Variants in DMXL1 observed in about 807,000 individuals in gnomAD.
The protein encoded by DMXL1 is dmX-like protein 1.
A neutral mutation model predicts 319.2 loss-of-function variants in DMXL1; 99 were observed. The observed-to-expected ratio is 0.31, with a 90% CI of 0.26 to 0.37. DMXL1 has a LOEUF of 0.37. Among genes scored for constraint, DMXL1 ranks in the 10% least tolerant of loss-of-function variants. The pLI is 1.00. For synonymous variants in DMXL1, 1,385 were observed against 1,235.2 expected, an observed-to-expected ratio of 1.12 and a Z score of -2.54; for missense variants, 3,745 against 3,595.6, an observed-to-expected ratio of 1.04 and a Z score of -1.06.
At chr5:119,179,590 TA>T (rs1481508270) in intron 28 of DMXL1, among the ~76,000 whole-genome samples, 12 of 152,302 alleles carry the variant, frequency 7.9e-5, no homozygotes, top group African/African-American at 2.4e-4. Context: ...GAAGCTATAT[TA>T]AAAAGAATTT....
intron 34 of DMXL1, among the ~76,000 whole-genome samples, chr5:119,208,621 C>G (rs1385044464): frequency 6.6e-6 from 1 of 152,028 alleles, no homozygotes; most frequent in Non-Finnish European, 1.5e-5. Context: ...CGTCAAAATA[C>G]AGTCTTTTTG....
intron 1 of DMXL1, among the ~76,000 whole-genome samples, chr5:119,097,256 G>T (rs771519006): frequency 3.1e-4 from 47 of 152,350 alleles, no homozygotes; most frequent in Non-Finnish European, 5.3e-4. Flanking sequence ...GTGGAAAACT[G>T]TTGAGGGGTT....
chr5:119,170,332 A>C lies in DMXL1; in HGVS notation c.5541A>C (p.Ala1847=). The change falls in exon 24 of 44, where the codon GCA becomes GCC. Residue 1847 remains alanine (A), a synonymous_variant. Transcript: ENST00000539542. ...GCCTAACAGGAAAAAGTGGACTGGC[A>C]GGAACAATTAATTTAAGTGAAAGAC... is the stretch of plus-strand genomic sequence containing the variant. ...HMSLTGKSGL[A]GTINLSERRL... is the part of the protein sequence containing the mutation. 12 of 1,614,028 alleles carry C rather than the reference A, an allele frequency of 7.4e-6. No homozygotes were observed. The highest frequency in any genetic ancestry group is 1.0e-5 in the Non-Finnish European group (12 of 1,179,968).
At chr5:119,118,523 A>G (rs1761337421) in intron 7 of DMXL1, among the ~76,000 whole-genome samples, 1 of 152,174 alleles carries the variant, frequency 6.6e-6, no homozygotes, top group Non-Finnish European at 1.5e-5. Context: ...TACTTGAGCC[A>G]GAGGATTGCT....
intron 30 of DMXL1, among the ~76,000 whole-genome samples, chr5:119,194,450 A>G (rs1033550202): frequency 4.6e-5 from 7 of 152,242 alleles, no homozygotes; most frequent in African/African-American, 7.2e-5. Flanking sequence ...TCTAGCTCCA[A>G]TACTGCGTTA....
chr5:119,201,848 G>T (rs547263654), intron 32 of DMXL1, among the ~76,000 whole-genome samples: 1 of 152,204 alleles, frequency 6.6e-6, no homozygotes, highest in African/African-American at 2.4e-5. Context: ...TTTGTAGTCT[G>T]TGTGCATAGA....
At chr5:119,110,418 T>C (rs1239937296) in intron 5 of DMXL1, 135 bp downstream of exon 5, 2 of 723,564 alleles carry the variant, frequency 2.8e-6, no homozygotes, top group Non-Finnish European at 4.2e-6. Flanking sequence ...CTTTTTCTTA[T>C]ACACAGATAA....
In DMXL1 at chr5:119,184,579, G is replaced by A. The variant is rs549963057; in HGVS notation, c.7136-5129G>A. Among the ~76,000 whole-genome samples the A allele has an allele frequency of 6.6e-5, 10 of 152,226 alleles. No homozygotes were observed. In the South Asian group the frequency reaches 2.1e-3, roughly 32 times the overall value. ...TAGTTTAGTAGTAAGTCTATCATGT[G>A]GTGAAACAAATCTCTGTAACTTTTT... On this transcript the variant is annotated intron_variant, in intron 28 of 43. Coordinates refer to ENST00000539542, the MANE Select transcript of DMXL1 (RefSeq NM_001290321.3).
At chr5:119,213,472 C>T (rs1783149684) in intron 34 of DMXL1, among the ~76,000 whole-genome samples, 1 of 152,174 alleles carries the variant, frequency 6.6e-6, no homozygotes. Context: ...ATGTTTACCT[C>T]TCTCAAATTA....
chr5:119,141,329 C>G (rs1175089502), intron 13 of DMXL1, among the ~76,000 whole-genome samples: 1 of 152,144 alleles, frequency 6.6e-6, no homozygotes, highest in Non-Finnish European at 1.5e-5. Context: ...TTGTACATGA[C>G]ATGTTTCTAT....
intron 38 of DMXL1, among the ~76,000 whole-genome samples, chr5:119,227,272 T>C (rs1048423463): frequency 3.9e-5 from 6 of 152,228 alleles, no homozygotes; most frequent in African/African-American, 1.4e-4. Flanking sequence ...CCTTCTAAAA[T>C]GTTTAATGTG....
At chr5:119,120,506 A>G (rs2149941137) in intron 8 of DMXL1, among the ~76,000 whole-genome samples, 1 of 152,354 alleles carries the variant, frequency 6.6e-6, no homozygotes, top group East Asian at 1.9e-4. Context: ...CATGGCATCA[A>G]ATGGGATGAT....
chr5:119,194,419 C>T (rs1384070444), intron 30 of DMXL1, among the ~76,000 whole-genome samples: 3 of 152,214 alleles, frequency 2.0e-5, no homozygotes, highest in Middle Eastern at 3.2e-3. Context: ...GTATGTCATA[C>T]ACATGTTCTA....
At chr5:119,173,798 A>ATATATATAT (rs1307519155) in intron 25 of DMXL1, among the ~76,000 whole-genome samples, 22 of 126,572 alleles carry the variant, frequency 1.7e-4, no homozygotes, top group East Asian at 2.8e-4. Flanking sequence ...ATATATATAT[A>ATATATATAT]ATGAGAGAGA....
At chr5:119,120,125 C>G (rs1262762182) in intron 8 of DMXL1, among the ~76,000 whole-genome samples, 2 of 151,864 alleles carry the variant, frequency 1.3e-5, no homozygotes, top group Non-Finnish European at 2.9e-5. Flanking sequence ...TCTCGAACTC[C>G]TGGCCTCAAG....
chr5:119,080,863 C>T (rs1419894110), intron 1 of DMXL1, among the ~76,000 whole-genome samples: 4 of 152,042 alleles, frequency 2.6e-5, no homozygotes, highest in Admixed American at 6.6e-5. Flanking sequence ...CAGTAAGAAA[C>T]GCTTTCTTAT....
At chr5:119,235,010 G>A (rs897958555) in intron 39 of DMXL1, among the ~76,000 whole-genome samples, 3 of 151,990 alleles carry the variant, frequency 2.0e-5, no homozygotes, top group Non-Finnish European at 4.4e-5. Flanking sequence ...ATCTTTGACC[G>A]GCAGTCAACT....
intron 23 of DMXL1, among the ~76,000 whole-genome samples, chr5:119,169,033 C>T (rs893490037): frequency 2.0e-5 from 3 of 152,084 alleles, no homozygotes; most frequent in Admixed American, 1.3e-4. Flanking sequence ...TCCTGAGTAG[C>T]GGGGACCACA....
chr5:119,147,544 G>A (rs1239370726), intron 17 of DMXL1, 74 bp downstream of exon 17: 7 of 983,920 alleles, frequency 7.1e-6, no homozygotes, highest in African/African-American at 6.5e-5. Flanking sequence ...AATAGGTGCT[G>A]CAACTATCTC....
Sources: gnomAD v4.1 joint callset for allele counts (sites outside exome capture counted in the v4.1 genomes callset) on GRCh38, gnomAD v4.1.1 for gene constraint, MANE v1.5 for transcripts, NCBI Gene and HGNC (gene_info 2026-07-23, HGNC 2026-07-21) for gene names.